ATP10B: variants seen among roughly 807,000 people sequenced by gnomAD.
The protein encoded by ATP10B is ATPase phospholipid transporting 10B (putative).
A neutral mutation model predicts 141.2 loss-of-function variants in ATP10B; 122 were observed. The observed-to-expected ratio is 0.86, with a 90% CI of 0.75 to 1.00. The LOEUF (loss-of-function observed/expected upper bound fraction) is 1.00, where lower values mean the gene tolerates loss of function less well. Ranked by LOEUF, ATP10B falls within the 50% of genes least tolerant of loss-of-function variation. The pLI, the probability that ATP10B is intolerant of heterozygous loss-of-function variation, is 0.00. For missense variants in ATP10B, 1,876 were observed against 1,825.3 expected (o/e 1.03, Z -0.51); for synonymous variants, 685 against 692.0 (o/e 0.99, Z 0.16).
intron 13 of ATP10B, among the ~76,000 whole-genome samples, chr5:160,629,721 C>T (rs185909387): frequency 2.0e-5 from 3 of 152,154 alleles, no homozygotes; most frequent in Non-Finnish European, 4.4e-5. Context: ...TGAGCCAGAA[C>T]AATTGTCTTC....
At chr5:160,701,731 C>T (rs1018281189) in intron 3 of ATP10B, among the ~76,000 whole-genome samples, 1 of 151,348 alleles carries the variant, frequency 6.6e-6, no homozygotes, top group Non-Finnish European at 1.5e-5. Context: ...TGGGAACAGT[C>T]ACCCCTCTGC....
At chr5:160,825,762 G>A (rs1245103302) in intron 1 of ATP10B, among the ~76,000 whole-genome samples, 3 of 152,140 alleles carry the variant, frequency 2.0e-5, no homozygotes, top group Non-Finnish European at 4.4e-5. Flanking sequence ...AGTGAGCATA[G>A]TACCCAATAG....
intron 3 of ATP10B, among the ~76,000 whole-genome samples, chr5:160,691,988 T>C (rs1764100918): frequency 6.6e-6 from 1 of 152,246 alleles, no homozygotes; most frequent in African/African-American, 2.4e-5. Context: ...GAAAAGATAA[T>C]TTATGAATAG....
intron 1 of ATP10B, among the ~76,000 whole-genome samples, chr5:160,793,625 CTTTA>C (rs1298691014): frequency 6.6e-6 from 1 of 152,216 alleles, no homozygotes; most frequent in East Asian, 1.9e-4. Context: ...ATTGCAATTA[CTTTA>C]TTTGTTTAGA....
At chr5:160,665,430 A>T (rs1297303151) in intron 7 of ATP10B, among the ~76,000 whole-genome samples, 3 of 152,276 alleles carry the variant, frequency 2.0e-5, no homozygotes. Flanking sequence ...AGGAATGTTA[A>T]TAATATTTGT....
chr5:160,820,812 G>T (rs1774044382), intron 1 of ATP10B, among the ~76,000 whole-genome samples: 1 of 152,076 alleles, frequency 6.6e-6, no homozygotes, highest in African/African-American at 2.4e-5. Context: ...TTCTATTGAT[G>T]CTGAAAAAGC....
In ATP10B at chr5:160,752,999, G is replaced by A. The variant is rs77219513; in HGVS notation, c.-331+32560C>T. ...CATTTGCATGCCAAATTTAGTGTGA[G>A]TAAACATAAATTTGAAAATCAGGCA... On this transcript the variant is annotated intron_variant, in intron 2 of 25. Coordinates refer to ENST00000327245, the MANE Select transcript of ATP10B (RefSeq NM_025153.3). Among the ~76,000 whole-genome samples, 28 of 152,236 alleles carry A rather than the reference G, an allele frequency of 1.8e-4. No homozygotes were observed. In the East Asian group the frequency reaches 5.4e-3, roughly 29 times the overall value.
chr5:160,759,552 G>A (rs1309164799), intron 2 of ATP10B, among the ~76,000 whole-genome samples: 1 of 152,066 alleles, frequency 6.6e-6, no homozygotes, highest in Non-Finnish European at 1.5e-5. Flanking sequence ...ACTCAGGAAG[G>A]CATGAGTGAA....
At chr5:160,766,455 G>A (rs1170101773) in intron 2 of ATP10B, among the ~76,000 whole-genome samples, 1 of 151,160 alleles carries the variant, frequency 6.6e-6, no homozygotes, top group Non-Finnish European at 1.5e-5. Context: ...AACCTGAACG[G>A]AGTTGGAGAA....
rs541325557 is a variant in ATP10B at position 160,747,522 on chromosome 5, A to G, written c.-330-30488T>C. ...CTCTAATCTAAAATAATATGTCCTT[A>G]TTAGAAGACACAGACACAGCAGAAG... On this transcript the variant is annotated intron_variant, in intron 2 of 25. Transcript: ENST00000327245. Among the ~76,000 whole-genome samples the G allele has an allele frequency of 7.9e-5, 12 of 152,338 alleles. No individual in the cohort carries two copies. In the South Asian group the frequency reaches 2.3e-3, roughly 29 times the overall value.
chr5:160,725,292 T>C (rs1249194197), intron 2 of ATP10B, among the ~76,000 whole-genome samples: 1 of 152,086 alleles, frequency 6.6e-6, no homozygotes, highest in African/African-American at 2.4e-5. Context: ...TTCACTCAAG[T>C]TCTGTCTTCA....
the ATP10B span, among the ~76,000 whole-genome samples, chr5:160,866,003 G>A: frequency 6.6e-6 from 1 of 152,114 alleles, no homozygotes; most frequent in Non-Finnish European, 1.5e-5. Context: ...ATAACAATAT[G>A]GCGATTCCTT....
intron 22 of ATP10B, among the ~76,000 whole-genome samples, chr5:160,597,898 A>G (rs990665462): frequency 1.4e-4 from 22 of 151,854 alleles, no homozygotes; most frequent in Admixed American, 7.9e-4. Context: ...GAAACAACAG[A>G]TGCTGGAGAG....
At chr5:160,704,914 C>T (rs1384037385) in intron 3 of ATP10B, among the ~76,000 whole-genome samples, 23 of 83,634 alleles carry the variant, frequency 2.8e-4, no homozygotes, top group African/African-American at 7.5e-4. Flanking sequence ...TTTCTTTCAT[C>T]TTTTTTTTTT....
intron 5 of ATP10B, among the ~76,000 whole-genome samples, chr5:160,687,557 A>C (rs1763830581): frequency 6.6e-6 from 1 of 152,098 alleles, no homozygotes; most frequent in African/African-American, 2.4e-5. Context: ...GGAGCCCAGG[A>C]GTTAGAGACC....
intron 1 of ATP10B, among the ~76,000 whole-genome samples, chr5:160,815,567 C>T (rs546622223): frequency 6.1e-5 from 8 of 130,778 alleles, no homozygotes; most frequent in Non-Finnish European, 8.9e-5. Flanking sequence ...AATAATAATA[C>T]GAGACTAACA....
At chr5:160,780,394 C>T (rs1003479728) in intron 2 of ATP10B, among the ~76,000 whole-genome samples, 3 of 152,140 alleles carry the variant, frequency 2.0e-5, no homozygotes, top group Non-Finnish European at 4.4e-5. Flanking sequence ...CATTTAATCA[C>T]AATACTAACA....
At chr5:160,817,253 T>C (rs577342570) in intron 1 of ATP10B, among the ~76,000 whole-genome samples, 19 of 152,096 alleles carry the variant, frequency 1.2e-4, no homozygotes, top group South Asian at 2.1e-4. Flanking sequence ...TCTAGAAAAC[T>C]CCATTGTCTC....
chr5:160,602,795 CG>C, intron 20 of ATP10B, 93 bp from the exon 21 acceptor site: 3 of 1,559,388 alleles, frequency 1.9e-6, no homozygotes, highest in Non-Finnish European at 2.6e-6. Context: ...TCTAGGCCTA[CG>C]GCCAGCAGAG....
Sources: allele counts gnomAD v4.1 joint callset (sites outside exome capture counted in the v4.1 genomes callset), GRCh38; gene constraint gnomAD v4.1.1; transcripts MANE v1.5; gene names NCBI Gene and HGNC (gene_info 2026-07-23, HGNC 2026-07-21).